Variants in HOXA3 observed in about 807,000 individuals in gnomAD.
HOXA3 encodes homeobox A3.
HOXA3 carries 8 observed loss-of-function variants against 30.3 expected under a neutral mutation model. The ratio of observed to expected loss-of-function variants is 0.26; its 90% confidence interval spans 0.15 to 0.48. The LOEUF (loss-of-function observed/expected upper bound fraction) is 0.48. Among genes scored for constraint, HOXA3 ranks in the 20% least tolerant of loss-of-function variants. The pLI is 0.99. For synonymous variants in HOXA3, 323 were observed against 273.1 expected, an observed-to-expected ratio of 1.18 and a Z score of -1.80; for missense variants, 653 against 614.4, an observed-to-expected ratio of 1.06 and a Z score of -0.66.
chr7:27,129,047 G>A, intron 2 of HOXA3: 1 of 659,214 alleles, frequency 1.5e-6, no homozygotes, highest in Non-Finnish European at 2.7e-6. Context: ...CTCTTGGGTG[G>A]CAACCAGCAC....
chr7:27,108,703 C>T lies in HOXA3; in HGVS notation c.544G>A (p.Asp182Asn). 2 of 1,602,960 alleles carry T rather than the reference C, an allele frequency of 1.2e-6. No individual in the cohort carries two copies. Among genetic ancestry groups the T allele is most frequent in the Non-Finnish European group, 8.5e-7 (1 of 1,172,564 alleles). ...GAAGCCTGCCCCGGCGGGCTCTTGT[C>T]GCCAGCGCAGCTTTCGCCTGCGAGG... The part of the protein sequence containing the change: ...SSSSGESCAG[D>N]KSPPGQASSK... Residue 182 changes from aspartate (D) to asparagine (N), a missense_variant, in exon 6 of 6, where the codon GAC (aspartate) becomes AAC (asparagine). This residue lies in a region of HOXA3 where 320 missense variants were observed against 321.9 expected (regional missense o/e 0.99). Coordinates refer to ENST00000612286, the MANE Select transcript of HOXA3 (RefSeq NM_153631.3). The surrounding 1 kb of genome is among the most constrained non-coding windows in gnomAD (Gnocchi z 5.0).
intron 1 of HOXA3, among the ~76,000 whole-genome samples, chr7:27,148,325 G>T (rs1427870926): frequency 6.6e-6 from 1 of 152,274 alleles, no homozygotes; most frequent in African/African-American, 2.4e-5. Context: ...TCGTGGGTGC[G>T]AGTTCTTGAG....
At chr7:27,130,010 T>TAG (rs1785453509) in intron 2 of HOXA3, 1 of 1,287,568 alleles carries the variant, frequency 7.8e-7, no homozygotes, top group African/African-American at 1.5e-5. Context: ...AGATGGGGGC[T>TAG]CCCCTCCCGA....
At chr7:27,133,567 A>G (rs1041351261) in intron 2 of HOXA3, among the ~76,000 whole-genome samples, 1 of 152,182 alleles carries the variant, frequency 6.6e-6, no homozygotes, top group African/African-American at 2.4e-5. Context: ...GGGATAACAT[A>G]TATTCCCAAC....
intron 3 of HOXA3, among the ~76,000 whole-genome samples, chr7:27,124,900 C>G (rs1370870330): frequency 1.3e-5 from 2 of 152,112 alleles, no homozygotes; most frequent in African/African-American, 2.4e-5. Flanking sequence ...GGATTATGAC[C>G]GTTGTGGATA....
intron 2 of HOXA3, among the ~76,000 whole-genome samples, chr7:27,136,809 CAAACA>C (rs1411319864): frequency 6.6e-6 from 1 of 152,190 alleles, no homozygotes; most frequent in Non-Finnish European, 1.5e-5. Context: ...TGAACAACAA[CAAACA>C]AAACAAACCT....
chr7:27,108,054 T>C lies in HOXA3; in HGVS notation c.1193A>G (p.Tyr398Cys), dbSNP rs1387362776. The C allele has an allele frequency of 6.2e-7, 1 of 1,612,958 alleles. No homozygotes were observed. The highest frequency in any genetic ancestry group is 8.5e-7 in the Non-Finnish European group (1 of 1,179,294). ...GCTGCCCAGCGGCCCGGCACCCCCA[T>C]AGTCCATGGCGCCCGAGGCAGCGTG... ...LPHAASGAMDYGGAGPLGSGH... is the reference protein window; with the variant it reads ...LPHAASGAMDCGGAGPLGSGH... The change falls in exon 6 of 6, where the codon TAT becomes TGT. Residue 398 changes from tyrosine (Y) to cysteine (C), a missense_variant. By Grantham distance (194) the Tyr-to-Cys change is radical. Around this residue, in one of 3 missense-constraint regions of HOXA3, gnomAD observed 330 missense variants for 274.4 expected, o/e 1.20. Coordinates refer to ENST00000612286, the MANE Select transcript of HOXA3 (RefSeq NM_153631.3). This position sits in a 1 kb window ranked among gnomAD's most constrained non-coding sequence, Gnocchi z 5.0.
intron 1 of HOXA3, chr7:27,143,424 C>T (rs965206722): frequency 6.8e-6 from 11 of 1,612,210 alleles, no homozygotes; most frequent in Non-Finnish European, 9.3e-6. Context: ...CCAAAGTGGC[C>T]GGAGCCCGAG....
chr7:27,114,835 T>G (rs1419449549), intron 4 of HOXA3, among the ~76,000 whole-genome samples: 1 of 93,482 alleles, frequency 1.1e-5, no homozygotes, highest in African/African-American at 3.9e-5. Flanking sequence ...ATAATATATA[T>G]TATATATATA....
intron 1 of HOXA3, among the ~76,000 whole-genome samples, chr7:27,152,063 G>T (rs1782988892): frequency 6.6e-6 from 1 of 151,572 alleles, no homozygotes; most frequent in East Asian, 1.9e-4. Flanking sequence ...CCAGGGAGGG[G>T]AGAGAAAGGG....
At chr7:27,148,989 C>T (rs556900423) in intron 1 of HOXA3, among the ~76,000 whole-genome samples, 2 of 152,366 alleles carry the variant, frequency 1.3e-5, no homozygotes, top group South Asian at 4.1e-4. Flanking sequence ...CCTGGGACCG[C>T]AGGGAGGGCT....
At chr7:27,151,944 A>G (rs780962204) in intron 1 of HOXA3, among the ~76,000 whole-genome samples, 1 of 152,094 alleles carries the variant, frequency 6.6e-6, no homozygotes. Flanking sequence ...TTTGGGCTTC[A>G]CGGGGTCGCT....
intron 2 of HOXA3, chr7:27,129,657 G>C (rs1785435493): frequency 2.1e-6 from 3 of 1,450,404 alleles, no homozygotes; most frequent in African/African-American, 2.8e-5. Flanking sequence ...GGTGGGGTGG[G>C]GAAGAGCAAT....
At chr7:27,116,689 C>T (rs1254557571) in intron 4 of HOXA3, 2 of 152,224 alleles carry the variant, frequency 1.3e-5, no homozygotes, top group Non-Finnish European at 2.9e-5. Flanking sequence ...CTCATTCTTT[C>T]TAGCAAAACT....
Position 27,145,611 on chromosome 7 carries a change from C to A in HOXA3, c.-493-5425G>T. 4 of 1,580,174 alleles carry A rather than the reference C, an allele frequency of 2.5e-6. No individual in the cohort carries two copies. The South Asian group carries it at 4.7e-5, about 18-fold the overall frequency. On this transcript the variant is annotated intron_variant, in intron 1 of 5. Transcript: ENST00000612286. ...TGGGGAACAGGCGAGGGCAAGGGGG[C>A]AAAGCCGAAGGAGGTTGCAGCGCTG...
At chr7:27,147,653 C>G in intron 1 of HOXA3, 1 of 1,614,208 alleles carries the variant, frequency 6.2e-7, no homozygotes, top group Non-Finnish European at 8.5e-7. Context: ...CTCAGCGCGT[C>G]ATAGCCAGCC....
At position 27,107,991 on chromosome 7, in the gene HOXA3, G is replaced by T. The variant is rs576361734; in HGVS notation, c.1256C>A (p.Pro419His). Reference sequence around the variant, plus strand: ...GTGGCCGGTAAGGTCCGTGTAGGTGGGGTGCGGCTCCCCAGGCCCCGGCCC... The same window carrying T: ...GTGGCCGGTAAGGTCCGTGTAGGTGTGGTGCGGCTCCCCAGGCCCCGGCCC... ...HHGPGPGEPH[P>H]TYTDLTGHHP... Residue 419 changes from proline to histidine, a missense_variant, in exon 6 of 6, where the codon CCC becomes CAC. This residue lies in a region of HOXA3 where 330 missense variants were observed against 274.4 expected (regional missense o/e 1.20). Coordinates refer to ENST00000612286, the MANE Select transcript of HOXA3 (RefSeq NM_153631.3). 1.9e-6 allele frequency: 3 copies of T among 1,611,518 alleles called. No individual in the cohort carries two copies. The African/African-American group carries it at 4.0e-5, about 22-fold the overall frequency.
At chr7:27,139,036 T>C (rs772469521) in intron 2 of HOXA3, among the ~76,000 whole-genome samples, 16 of 152,158 alleles carry the variant, frequency 1.1e-4, no homozygotes, top group Non-Finnish European at 1.8e-4. Flanking sequence ...CTTAATGTTA[T>C]CCAGGGGGCC....
intron 2 of HOXA3, among the ~76,000 whole-genome samples, chr7:27,133,900 G>A (rs987812944): frequency 1.3e-5 from 2 of 152,102 alleles, no homozygotes; most frequent in Non-Finnish European, 2.9e-5. Context: ...TTTGTTAGAC[G>A]CACTGACCTG....
Sources: allele counts gnomAD v4.1 joint callset (sites outside exome capture counted in the v4.1 genomes callset), GRCh38; gene constraint gnomAD v4.1.1; regional missense constraint gnomAD v4.1.1; non-coding constraint Gnocchi (gnomAD v3.1); transcripts MANE v1.5; gene names NCBI Gene and HGNC (gene_info 2026-07-23, HGNC 2026-07-21).